NR4A3: variants seen among roughly 807,000 people sequenced by gnomAD.
NR4A3 encodes chondrosarcoma, extraskeletal myxoid, fused to EWS.
In NR4A3, 13 loss-of-function variants were observed where a neutral mutation model predicts 55.6. That is an observed-to-expected ratio of 0.23 (90% CI 0.15 to 0.37). The LOEUF (loss-of-function observed/expected upper bound fraction) is 0.37. Among genes scored for constraint, NR4A3 ranks in the 10% least tolerant of loss-of-function variants. The pLI is 1.00. For synonymous variants in NR4A3, 342 were observed against 357.9 expected, an observed-to-expected ratio of 0.96 and a Z score of 0.50; for missense variants, 646 against 822.8, an observed-to-expected ratio of 0.79 and a Z score of 2.63.
intron 7 of NR4A3, among the ~76,000 whole-genome samples, chr9:99,848,535 G>A (rs894629857): frequency 5.3e-5 from 8 of 152,052 alleles, no homozygotes; most frequent in African/African-American, 1.7e-4. Flanking sequence ...AGTAGAGATG[G>A]GATTTCATCA....
chr9:99,826,937 G>GT (rs3832634), intron 2 of NR4A3: 227,220 of 684,096 alleles, frequency 0.33, 41,098 homozygotes, highest in African/African-American at 0.44. Context: ...AAAAACCGCC[G>GT]TTTTTTACCA....
chr9:99,838,447 G>A (rs1827597768), intron 5 of NR4A3, among the ~76,000 whole-genome samples: 1 of 152,192 alleles, frequency 6.6e-6, no homozygotes, highest in South Asian at 2.1e-4. Flanking sequence ...TGCAAAAAGA[G>A]TGGTTTCATG....
chr9:99,826,685 GA>G, intron 2 of NR4A3: 1 of 1,208,638 alleles, frequency 8.3e-7, no homozygotes, highest in Non-Finnish European at 1.2e-6. Flanking sequence ...GCTTGTTAAA[GA>G]AAGGCTTGAA....
Position 99,825,567 on chromosome 9 carries a change from C to A in NR4A3, c.-176-92C>A, listed in dbSNP as rs1230634736. 6.5e-6 allele frequency: 1 copy of A among 152,946 alleles called. No homozygotes were observed. The highest frequency in any genetic ancestry group is 1.9e-4 in the East Asian group (1 of 5,212). The allele number at this position is 152,946 out of a possible 1,614,324, so 9.5% of individuals were successfully genotyped here. On this transcript the variant is annotated intron_variant, in intron 1 of 7. Coordinates refer to ENST00000395097, the MANE Select transcript of NR4A3 (RefSeq NM_006981.4). This position sits in a 1 kb window ranked among gnomAD's most constrained non-coding sequence, Gnocchi z 5.0. ...TGTAACATTTCTAGAGGTTGCCAAC[C>A]AATTCCCCCAGTCCCCAATGCGCCC...
rs1827485497 is a variant in NR4A3 at position 99,833,353 on chromosome 9, G to A, written c.1153G>A (p.Glu385Lys). Residue 385 changes from glutamate to lysine, a missense_variant, in exon 5 of 8, where the codon GAA (glutamate) becomes AAA (lysine). Transcript: ENST00000395097. ...CAAACCAAAGAGCCCATTACAACAGGAACCTTCTCAGCCCTCTCCACCTTC... is the reference window on the plus strand; with the variant it reads ...CAAACCAAAGAGCCCATTACAACAGAAACCTTCTCAGCCCTCTCCACCTTC... ...PSKPKSPLQQEPSQPSPPSPP... is the reference protein window; with the variant it reads ...PSKPKSPLQQKPSQPSPPSPP... The A allele has an allele frequency of 6.2e-7, 1 of 1,613,968 alleles. No individual in the cohort carries two copies. Among genetic ancestry groups the A allele is most frequent in the Admixed American group, 1.7e-5 (1 of 59,988 alleles).
rs925917715 is a variant in NR4A3 at position 99,864,181 on chromosome 9, A to G, written c.*314A>G. 6 of 299,240 alleles carry G rather than the reference A, an allele frequency of 2.0e-5. No individual in the cohort carries two copies. The highest frequency in any genetic ancestry group is 2.0e-4 in the East Asian group (4 of 20,180). 18.5% of individuals were successfully genotyped at this position (299,240 alleles called of 1,614,324 possible). A position where few individuals can be genotyped will look rare whatever the true frequency, so the allele number is the denominator to read the frequency against. On this transcript the variant is annotated 3_prime_UTR_variant, in exon 8 of 8. Coordinates refer to ENST00000395097, the MANE Select transcript of NR4A3 (RefSeq NM_006981.4). ...TTTGGACAATGCTATCCCAGCAGGA[A>G]AAAAAAGGATAATATAACTGTTTTA...
chr9:99,823,315 C>CACCT (rs1204603889), intron 1 of NR4A3, among the ~76,000 whole-genome samples: 2 of 152,164 alleles, frequency 1.3e-5, no homozygotes, highest in African/African-American at 4.8e-5. Flanking sequence ...CTTCCAAAGG[C>CACCT]ACCTCTCCAA....
At chr9:99,827,292 A>G (rs10819696) in intron 2 of NR4A3, among the ~76,000 whole-genome samples, 6,554 of 80,590 alleles carry the variant, frequency 0.081, 160 homozygotes, top group Middle Eastern at 0.13. Context: ...GTGTGTGTGT[A>G]TATATATATA....
intron 1 of NR4A3, among the ~76,000 whole-genome samples, chr9:99,824,142 C>G (rs1827242412): frequency 6.6e-6 from 1 of 152,198 alleles, no homozygotes; most frequent in Non-Finnish European, 1.5e-5. Flanking sequence ...GGCACTGAGG[C>G]TTTGCCTAGG....
chr9:99,833,971 C>T (rs1036988354), intron 5 of NR4A3: 7 of 1,144,394 alleles, frequency 6.1e-6, no homozygotes, highest in African/African-American at 3.2e-5. Context: ...TGGAACGCCA[C>T]CTCTGCTACT....
chr9:99,866,136 C>T lies in NR4A3; in HGVS notation c.*2269C>T. 4.7e-6 allele frequency: 1 copy of T among 210,978 alleles called. No homozygotes were observed. The highest frequency in any genetic ancestry group is 5.9e-5 in the Admixed American group (1 of 17,014). The allele number at this position is 210,978 out of a possible 1,614,324, so 13.1% of individuals were successfully genotyped here. On this transcript the variant is annotated 3_prime_UTR_variant, in exon 8 of 8. Transcript: ENST00000395097. ...TATACTTTTGCATTAATTTTTTGAG[C>T]TTATATGCAAACATAATAAATATTA...
Position 99,825,061 on chromosome 9 carries a change from A to C in NR4A3, c.-176-598A>C, listed in dbSNP as rs757441244. ...TTGTTTGCTTGACCCCTGGCCCTCGAAACTCGCGGCTAATAGAAGCGAAGC... is the reference window on the plus strand; with the variant it reads ...TTGTTTGCTTGACCCCTGGCCCTCGCAACTCGCGGCTAATAGAAGCGAAGC... On this transcript the variant is annotated intron_variant, in intron 1 of 7. Transcript: ENST00000395097. The surrounding 1 kb of genome is among the most constrained non-coding windows in gnomAD (Gnocchi z 5.0). 1.3e-5 allele frequency among the ~76,000 whole-genome samples: 2 copies of C among 152,200 alleles called. No individual in the cohort carries two copies. Among genetic ancestry groups the C allele is most frequent in the Non-Finnish European group, 2.9e-5 (2 of 68,034 alleles).
intron 7 of NR4A3, among the ~76,000 whole-genome samples, chr9:99,852,438 G>A (rs2118140521): frequency 6.6e-6 from 1 of 152,318 alleles, no homozygotes; most frequent in South Asian, 2.1e-4. Context: ...GTGAGATGAT[G>A]TCTTGTGCTT....
intron 1 of NR4A3, among the ~76,000 whole-genome samples, chr9:99,823,766 G>T (rs1918009): frequency 3.4e-5 from 5 of 146,542 alleles, no homozygotes; most frequent in East Asian, 2.2e-4. Flanking sequence ...CCACCCCTTT[G>T]CCTGGGACCG....
At chr9:99,834,872 G>A (rs1827528523) in intron 5 of NR4A3, 1 of 983,914 alleles carries the variant, frequency 1.0e-6, no homozygotes, top group Non-Finnish European at 1.2e-6. Flanking sequence ...TATAAGTAGT[G>A]GCTCTTGACT....
chr9:99,828,887 G>C lies in NR4A3; in HGVS notation c.845G>C (p.Ser282Thr), dbSNP rs761313809. The part of the protein sequence containing the change: ...GESPSLPSPP[S>T]RSSSSGEGTC... Reference sequence around the variant, plus strand: ...AGTCCCAGCCTGCCGTCGCCGCCCAGCAGGAGCTCGTCGTCTGGCGAGGGC... The same window carrying C: ...AGTCCCAGCCTGCCGTCGCCGCCCACCAGGAGCTCGTCGTCTGGCGAGGGC... Residue 282 changes from serine (S) to threonine (T), a missense_variant, in exon 3 of 8, where the codon AGC (serine) becomes ACC (threonine). Ser to Thr is a moderately conservative substitution (Grantham distance 58). Coordinates refer to ENST00000395097, the MANE Select transcript of NR4A3 (RefSeq NM_006981.4). The surrounding 1 kb of genome is among the most constrained non-coding windows in gnomAD (Gnocchi z 7.7). 1.3e-6 allele frequency: 2 copies of C among 1,507,524 alleles called. No homozygotes were observed. Among genetic ancestry groups the C allele is most frequent in the Non-Finnish European group, 1.8e-6 (2 of 1,132,504 alleles). 93.4% of individuals were successfully genotyped at this position (1,507,524 alleles called of 1,614,324 possible).
At chr9:99,843,496 G>T (rs1210934470) in intron 5 of NR4A3, among the ~76,000 whole-genome samples, 1 of 152,094 alleles carries the variant, frequency 6.6e-6, no homozygotes, top group African/African-American at 2.4e-5. Context: ...ACTTCATTGT[G>T]TATGAGAATC....
intron 7 of NR4A3, among the ~76,000 whole-genome samples, chr9:99,850,102 G>A (rs1827821419): frequency 6.6e-6 from 1 of 152,314 alleles, no homozygotes; most frequent in African/African-American, 2.4e-5. Context: ...AGATGTGACT[G>A]GTCTGATAGG....
chr9:99,850,630 G>T (rs1296432836), intron 7 of NR4A3, among the ~76,000 whole-genome samples: 1 of 152,122 alleles, frequency 6.6e-6, no homozygotes, highest in Non-Finnish European at 1.5e-5. Flanking sequence ...CTTTGGAATC[G>T]AGCACGCCCA....
Sources: allele counts gnomAD v4.1 joint callset (sites outside exome capture counted in the v4.1 genomes callset), GRCh38; gene constraint gnomAD v4.1.1; non-coding constraint Gnocchi (gnomAD v3.1); transcripts MANE v1.5; gene names NCBI Gene and HGNC (gene_info 2026-07-23, HGNC 2026-07-21).